TMPRSS9: variants seen among roughly 807,000 people sequenced by gnomAD.
TMPRSS9 encodes the protein transmembrane serine protease 9, also known as transmembrane protease serine 9.
Under a neutral mutation model 111.4 loss-of-function variants are expected in TMPRSS9, and 113 were observed. That is an observed-to-expected ratio of 1.01 (90% CI 0.87 to 1.19). The LOEUF (loss-of-function observed/expected upper bound fraction) is 1.19. TMPRSS9 is among the 50% of genes most tolerant of loss of function. The probability of loss-of-function intolerance (pLI) is 0.00; values close to 1 mark genes in which losing one functional copy is unlikely to be tolerated. For missense variants in TMPRSS9, 1,803 were observed against 1,513.1 expected (o/e 1.19, Z -3.18); for synonymous variants, 805 against 659.1 (o/e 1.22, Z -3.39).
chr19:2,413,959 A>C, exon 10 of TMPRSS9: 2 of 1,611,758 alleles, frequency 1.2e-6, no homozygotes, highest in Non-Finnish European at 1.7e-6. Context: ...ACCCCCACCA[A>C]ATCGATGCAG....
chr19:2,421,749 C>T (rs73918165), intron 13 of TMPRSS9, 105 bp from the exon 15 acceptor site: 76 of 1,327,386 alleles, frequency 5.7e-5, no homozygotes, highest in African/African-American at 5.5e-4. Context: ...CTCTGCCCCC[C>T]GCCCTCGATG....
chr19:2,412,934 C>G (rs541369749), intron 9 of TMPRSS9, among the ~76,000 whole-genome samples: 21 of 152,264 alleles, frequency 1.4e-4, no homozygotes, highest in African/African-American at 5.1e-4. Flanking sequence ...TGGCTCACGC[C>G]TGTCATCCCA....
At chr19:2,406,152 A>C (rs1436941188) in intron 7 of TMPRSS9, among the ~76,000 whole-genome samples, 2 of 149,908 alleles carry the variant, frequency 1.3e-5, no homozygotes, top group Admixed American at 1.3e-4. Flanking sequence ...CTGGGAATAC[A>C]GGCGCCCGCC....
chr19:2,406,092 G>A (rs1466612113), intron 7 of TMPRSS9, among the ~76,000 whole-genome samples: 2 of 136,660 alleles, frequency 1.5e-5, no homozygotes. Context: ...CTCACTGCAA[G>A]CTCCGCCTCC....
At chr19:2,389,433 G>A (rs1970540206), upstream of TMPRSS9, among the ~76,000 whole-genome samples, 1 of 144,770 alleles carries the variant, frequency 6.9e-6, no homozygotes, top group South Asian at 2.2e-4. Context: ...GCAGTAGCGT[G>A]ATCTCGGTTC....
chr19:2,360,995 G>A (rs914617674), intron 1 of TMPRSS9, among the ~76,000 whole-genome samples: 6 of 149,648 alleles, frequency 4.0e-5, no homozygotes, highest in Non-Finnish European at 5.9e-5. Flanking sequence ...TGGGACCGCC[G>A]AAGCCCTCCC....
intron 9 of TMPRSS9, among the ~76,000 whole-genome samples, chr19:2,411,060 G>A (rs541177840): frequency 6.6e-6 from 1 of 152,058 alleles, no homozygotes; most frequent in East Asian, 1.9e-4. Context: ...AGCACTATGC[G>A]AGGCCAAGGC....
At chr19:2,400,528 T>C (rs1970812124) in intron 4 of TMPRSS9, among the ~76,000 whole-genome samples, 1 of 149,318 alleles carries the variant, frequency 6.7e-6, no homozygotes, top group Non-Finnish European at 1.5e-5. Context: ...GGTGACAGAG[T>C]GAGACTCCAT....
chr19:2,417,671 C>T (rs1482810874), intron 12 of TMPRSS9, among the ~76,000 whole-genome samples: 1 of 152,154 alleles, frequency 6.6e-6, no homozygotes, highest in East Asian at 1.9e-4. Flanking sequence ...AGCAAATGCT[C>T]ACTGGTGCTT....
intron 1 of TMPRSS9, among the ~76,000 whole-genome samples, chr19:2,367,843 G>A (rs150324702): frequency 7.9e-5 from 12 of 152,134 alleles, no homozygotes; most frequent in African/African-American, 1.7e-4. Context: ...GGGATTACAG[G>A]CATGAGCCAC....
chr19:2,425,464 T>C (rs1971598001), exon 17 of TMPRSS9: 1 of 1,591,762 alleles, frequency 6.3e-7, no homozygotes, highest in South Asian at 1.1e-5. Context: ...GTGTGCCGGC[T>C]TCCCGCAGGG....
At chr19:2,368,046 G>A (rs762432605) in intron 1 of TMPRSS9, among the ~76,000 whole-genome samples, 6 of 152,140 alleles carry the variant, frequency 3.9e-5, no homozygotes, top group Non-Finnish European at 4.4e-5. Flanking sequence ...ATATTTTTCA[G>A]TGTTACAGCT....
chr19:2,425,728 G>C (rs1388568638), intron 17 of TMPRSS9, 199 bp from the exon 19 acceptor site: 2 of 1,144,380 alleles, frequency 1.7e-6, no homozygotes, highest in Non-Finnish European at 2.4e-6. Context: ...GGCTGCAGTG[G>C]GAGGCACCGT....
rs1555677528 is a variant in TMPRSS9 at position 2,390,257 on chromosome 19, T to TC, written c.142+330_142+331insC. ...TTTTTTTTTTTGTTTTTTTTTTTTT[T>TC]TGAGACGGAGTCTCTCTCTGTCGCC... On this transcript the variant is annotated intron_variant, in intron 1 of 17. Transcript: ENST00000648592. Among the ~76,000 whole-genome samples the TC allele has an allele frequency of 2.6e-3, 305 of 116,096 alleles. 2 individuals carry two copies. The highest frequency in any genetic ancestry group is 0.016 in the East Asian group (67 of 4,184). The allele number at this position is 116,096 out of a possible 152,430, so 76.2% of individuals were successfully genotyped here. A position where few individuals can be genotyped will look rare whatever the true frequency, so the allele number is the denominator to read the frequency against.
chr19:2,405,706 CTTTT>C (rs10608410), intron 7 of TMPRSS9, among the ~76,000 whole-genome samples, 161 bp downstream of exon 8: 6 of 135,818 alleles, frequency 4.4e-5, no homozygotes, highest in Non-Finnish European at 6.3e-5. Flanking sequence ...TGAGGGCATT[CTTTT>C]TTTTTTTTTT....
intron 13 of TMPRSS9, among the ~76,000 whole-genome samples, chr19:2,419,686 T>C (rs941786379): frequency 4.6e-5 from 7 of 152,028 alleles, no homozygotes; most frequent in African/African-American, 1.7e-4. Flanking sequence ...CCAGCTAATT[T>C]TTGTATTTTT....
At chr19:2,366,926 G>A (rs1016498206) in intron 1 of TMPRSS9, among the ~76,000 whole-genome samples, 9 of 151,804 alleles carry the variant, frequency 5.9e-5, no homozygotes, top group South Asian at 2.1e-4. Context: ...GCCTGGAAGA[G>A]CCACTTCAAA....
intron 12 of TMPRSS9, 90 bp from the exon 14 acceptor site, chr19:2,417,912 A>G: frequency 1.3e-6 from 2 of 1,521,372 alleles, no homozygotes; most frequent in South Asian, 1.2e-5. Context: ...TGGGGTGGGG[A>G]TGCTGCATCT....
At position 2,415,879 on chromosome 19, in the gene TMPRSS9, CCCT is replaced by C. The variant is rs757082099; in HGVS notation, c.1745+43_1745+45del. On this transcript the variant is annotated intron_variant, in intron 11 of 17. Transcript: ENST00000648592. Reference sequence around the variant, plus strand: ...TCCTCCAGGAAGGCTGCCCGGCTTCCCCTCCTCACCAGCCCCTCCCTGTCAGAA... The same window carrying C: ...TCCTCCAGGAAGGCTGCCCGGCTTCCCCTCACCAGCCCCTCCCTGTCAGAA... 476 of 1,537,288 alleles carry C rather than the reference CCCT, an allele frequency of 3.1e-4. 1 individual carries two copies. The highest frequency in any genetic ancestry group is 3.8e-4 in the Non-Finnish European group (436 of 1,136,184).
Sources: allele counts gnomAD v4.1 joint callset (sites outside exome capture counted in the v4.1 genomes callset), GRCh38; gene constraint gnomAD v4.1.1; transcripts MANE v1.5; gene names NCBI Gene and HGNC (gene_info 2026-07-23, HGNC 2026-07-21).